The following NLGN1 variants were observed in gnomAD, a reference collection of about 807,000 sequenced individuals.
NLGN1 encodes the protein neuroligin 1.
NLGN1 carries 12 observed loss-of-function variants against 65.5 expected under a neutral mutation model. That is an observed-to-expected ratio of 0.18 (90% CI 0.12 to 0.30). The LOEUF is 0.30. NLGN1 is among the 10% of genes least tolerant of loss of function. The pLI is 1.00. For missense variants in NLGN1, 750 were observed against 1,007.1 expected (o/e 0.74, Z 3.46); for synonymous variants, 350 against 359.5 (o/e 0.97, Z 0.30).
intron 3 of NLGN1, among the ~76,000 whole-genome samples, chr3:173,696,864 G>A (rs1331241657): frequency 6.6e-6 from 1 of 152,136 alleles, no homozygotes. Context: ...CCTACAAGGT[G>A]TTCTGCAGAC....
intron 1 of NLGN1, among the ~76,000 whole-genome samples, chr3:173,403,679 A>G (rs1257529019): frequency 6.6e-6 from 1 of 152,130 alleles, no homozygotes; most frequent in Non-Finnish European, 1.5e-5. Context: ...TTTGTGCTCA[A>G]TTGAAAAAGA....
At chr3:173,638,162 A>G (rs1031605730) in intron 3 of NLGN1, among the ~76,000 whole-genome samples, 4 of 151,926 alleles carry the variant, frequency 2.6e-5, no homozygotes, top group South Asian at 2.1e-4. Flanking sequence ...TTTTTAACCA[A>G]TGAATAAATA....
At chr3:174,013,313 G>C (rs897240060) in intron 4 of NLGN1, among the ~76,000 whole-genome samples, 2 of 152,160 alleles carry the variant, frequency 1.3e-5, no homozygotes, top group Non-Finnish European at 2.9e-5. Flanking sequence ...AGGTTCTACT[G>C]TTGCATGATT....
intron 3 of NLGN1, among the ~76,000 whole-genome samples, chr3:173,740,054 G>A (rs975052525): frequency 6.6e-6 from 1 of 152,070 alleles, no homozygotes; most frequent in Non-Finnish European, 1.5e-5. Flanking sequence ...ATAGGGGAGA[G>A]GAAACAAACC....
intron 4 of NLGN1, among the ~76,000 whole-genome samples, chr3:173,809,405 GC>G (rs1014961403): frequency 6.6e-6 from 1 of 152,018 alleles, no homozygotes; most frequent in African/African-American, 2.4e-5. Context: ...ATTGTTGAGA[GC>G]TCAGTTGTTT....
intron 4 of NLGN1, among the ~76,000 whole-genome samples, chr3:173,964,382 T>G (rs981248136): frequency 6.6e-6 from 1 of 152,194 alleles, no homozygotes; most frequent in African/African-American, 2.4e-5. Context: ...GCAGCTGTTA[T>G]ATTTGTGCAT....
chr3:174,152,129 G>T (rs959458028), intron 4 of NLGN1, among the ~76,000 whole-genome samples: 1 of 147,822 alleles, frequency 6.8e-6, no homozygotes, highest in African/African-American at 2.6e-5. Context: ...ATAATGGTGA[G>T]AAATAAAAAT....
intron 4 of NLGN1, among the ~76,000 whole-genome samples, chr3:174,182,491 T>C (rs150567436): frequency 9.7e-4 from 147 of 152,250 alleles, no homozygotes; most frequent in Non-Finnish European, 1.5e-3. Context: ...TCAAAGTACA[T>C]GATGCATGCA....
intron 4 of NLGN1, among the ~76,000 whole-genome samples, chr3:174,174,480 A>G (rs1223624780): frequency 1.3e-5 from 2 of 152,012 alleles, no homozygotes; most frequent in African/African-American, 4.8e-5. Context: ...CCATGCCAAC[A>G]TCTATTTTAT....
chr3:174,019,758 T>A (rs1427374203), intron 4 of NLGN1, among the ~76,000 whole-genome samples: 2 of 152,154 alleles, frequency 1.3e-5, no homozygotes, highest in African/African-American at 4.8e-5. Flanking sequence ...GGTTACTTTT[T>A]ATAAAGGGCT....
intron 3 of NLGN1, among the ~76,000 whole-genome samples, chr3:173,634,210 T>C (rs1756203313): frequency 6.6e-6 from 1 of 152,104 alleles, no homozygotes; most frequent in Non-Finnish European, 1.5e-5. Context: ...TCCCACTGAC[T>C]TCTTCAAAAT....
intron 4 of NLGN1, among the ~76,000 whole-genome samples, chr3:174,065,227 G>T (rs897767915): frequency 6.6e-6 from 1 of 151,946 alleles, no homozygotes; most frequent in Non-Finnish European, 1.5e-5. Flanking sequence ...AAGTTGTGAG[G>T]TTCTTATATA....
chr3:173,920,480 A>T (rs1350865320), intron 4 of NLGN1: 1 of 152,160 alleles, frequency 6.6e-6, no homozygotes, highest in Non-Finnish European at 1.5e-5. Flanking sequence ...ACAGGTGCAG[A>T]TTGTTCTTGG....
chr3:173,830,322 G>T (rs1330430651), intron 4 of NLGN1, among the ~76,000 whole-genome samples: 1 of 152,126 alleles, frequency 6.6e-6, no homozygotes, highest in Non-Finnish European at 1.5e-5. Flanking sequence ...AAAGAAGATT[G>T]CCATAGTTGA....
At chr3:173,628,614 T>C (rs925115375) in intron 3 of NLGN1, among the ~76,000 whole-genome samples, 7 of 152,004 alleles carry the variant, frequency 4.6e-5, no homozygotes, top group African/African-American at 1.7e-4. Context: ...TTTTTTTAAG[T>C]AGAATAACTT....
intron 2 of NLGN1, among the ~76,000 whole-genome samples, chr3:173,448,555 A>T (rs1720836080): frequency 6.6e-6 from 1 of 152,208 alleles, no homozygotes; most frequent in African/African-American, 2.4e-5. Context: ...AGGCTTTGGT[A>T]TCAGGATGAT....
intron 4 of NLGN1, among the ~76,000 whole-genome samples, chr3:174,233,252 CG>C (rs1156790567): frequency 2.0e-5 from 3 of 152,012 alleles, no homozygotes; most frequent in African/African-American, 7.2e-5. Context: ...GAGCCTGAGG[CG>C]GGAGGAGTTC....
intron 4 of NLGN1, among the ~76,000 whole-genome samples, chr3:173,975,738 A>G (rs1021519554): frequency 6.6e-6 from 1 of 151,012 alleles, no homozygotes; most frequent in Non-Finnish European, 1.5e-5. Flanking sequence ...CACCCTATCA[A>G]CTCCCTCCCA....
chr3:173,842,246 CA>C lies in NLGN1; in HGVS notation c.646+34415del, dbSNP rs1724924470. 1.3e-5 allele frequency among the ~76,000 whole-genome samples: 2 copies of C among 152,180 alleles called. 1 individual carries two copies. The highest frequency in any genetic ancestry group is 4.1e-4 in the South Asian group (2 of 4,836). On this transcript the variant is annotated intron_variant, in intron 4 of 6. Transcript: ENST00000457714. ...CAATCACCTCCCACCAGGTTTCTCC[CA>C]TGACATGTGGGAAGTGTGAGAGCTA...
Sources: gnomAD v4.1 joint callset for allele counts (sites outside exome capture counted in the v4.1 genomes callset) on GRCh38, gnomAD v4.1.1 for gene constraint, MANE v1.5 for transcripts, NCBI Gene and HGNC (gene_info 2026-07-23, HGNC 2026-07-21) for gene names.